DTNA: variants seen among roughly 807,000 people sequenced by gnomAD.
DTNA encodes the protein dystrobrevin alpha, also known as dystrophin-related protein 3.
In DTNA, 43 loss-of-function variants were observed where a neutral mutation model predicts 100.7. The ratio of observed to expected loss-of-function variants is 0.43; its 90% CI spans 0.33 to 0.55. The LOEUF is 0.55. DTNA is among the 20% of genes least tolerant of loss of function. The pLI, the probability that DTNA is intolerant of heterozygous loss-of-function variation, is 0.04. For missense variants in DTNA, 798 were observed against 953.9 expected (o/e 0.84, Z 2.15); for synonymous variants, 349 against 347.9 (o/e 1.00, Z -0.04).
At chr18:34,682,850 TA>T (rs2078322780) in intron 1 of DTNA, among the ~76,000 whole-genome samples, 2 of 152,242 alleles carry the variant, frequency 1.3e-5, no homozygotes, top group South Asian at 4.1e-4. Context: ...GAAAAAAAAT[TA>T]AACTTAATAT....
intron 1 of DTNA, among the ~76,000 whole-genome samples, chr18:34,713,395 G>A (rs572265062): frequency 6.6e-6 from 1 of 152,184 alleles, no homozygotes; most frequent in Non-Finnish European, 1.5e-5. Flanking sequence ...AAATATCTTG[G>A]TTTTGTTCAA....
intron 1 of DTNA, among the ~76,000 whole-genome samples, chr18:34,517,460 C>CGTGTGTGTGTGTGTGTGTGT (rs1199695756): frequency 4.3e-4 from 64 of 149,000 alleles, no homozygotes; most frequent in African/African-American, 1.5e-3. Flanking sequence ...TTTATATACA[C>CGTGTGTGTGTGTGTGTGTGT]GTGTGTGTGT....
At chr18:34,745,370 C>CT (rs765094822) in intron 1 of DTNA, among the ~76,000 whole-genome samples, 9 of 152,260 alleles carry the variant, frequency 5.9e-5, no homozygotes, top group Non-Finnish European at 1.0e-4. Flanking sequence ...TAGCCCATGG[C>CT]CATTAGCAGC....
chr18:34,714,949 T>C (rs1270802952), intron 1 of DTNA, among the ~76,000 whole-genome samples: 1 of 150,700 alleles, frequency 6.6e-6, no homozygotes, highest in Non-Finnish European at 1.5e-5. Flanking sequence ...CAGTAAACTA[T>C]CGCAAGAACA....
At chr18:34,601,437 A>C (rs1465475403) in intron 1 of DTNA, among the ~76,000 whole-genome samples, 1 of 152,102 alleles carries the variant, frequency 6.6e-6, no homozygotes, top group Non-Finnish European at 1.5e-5. Flanking sequence ...GCTAGTCCTC[A>C]ACTCCTTCCA....
At chr18:34,744,919 T>C (rs1216779101) in intron 1 of DTNA, among the ~76,000 whole-genome samples, 1 of 151,798 alleles carries the variant, frequency 6.6e-6, no homozygotes, top group Non-Finnish European at 1.5e-5. Context: ...GGATTTGTAG[T>C]CAGACATGTC....
intron 1 of DTNA, among the ~76,000 whole-genome samples, chr18:34,739,860 G>T (rs2090304354): frequency 6.6e-6 from 1 of 152,120 alleles, no homozygotes; most frequent in Admixed American, 6.5e-5. Flanking sequence ...ATTACTAGAG[G>T]AGAAGTAATG....
At chr18:34,573,501 C>T (rs139016559) in intron 1 of DTNA, among the ~76,000 whole-genome samples, 37 of 152,274 alleles carry the variant, frequency 2.4e-4, no homozygotes, top group African/African-American at 7.5e-4. Flanking sequence ...TTGTCATACT[C>T]TATATGCTAT....
chr18:34,499,189 C>T (rs2039622437), intron 1 of DTNA, among the ~76,000 whole-genome samples: 1 of 152,144 alleles, frequency 6.6e-6, no homozygotes, highest in South Asian at 2.1e-4. Context: ...TTCTCTATTT[C>T]TATAATTTTG....
intron 3 of DTNA, among the ~76,000 whole-genome samples, chr18:34,773,395 A>G (rs541281172): frequency 6.6e-6 from 1 of 152,232 alleles, no homozygotes; most frequent in Non-Finnish European, 1.5e-5. Context: ...AGAGAAATCG[A>G]ACCAGAGAAA....
At chr18:34,561,943 A>G (rs1365182784) in intron 1 of DTNA, among the ~76,000 whole-genome samples, 1 of 152,178 alleles carries the variant, frequency 6.6e-6, no homozygotes, top group Non-Finnish European at 1.5e-5. Context: ...CAATTATTAG[A>G]GAATACATTT....
intron 1 of DTNA, among the ~76,000 whole-genome samples, chr18:34,619,338 C>G (rs547389543): frequency 6.6e-6 from 1 of 152,186 alleles, no homozygotes; most frequent in South Asian, 2.1e-4. Flanking sequence ...TAACCAATCT[C>G]AGTGTTAGAA....
chr18:34,836,828 T>TAATA, intron 11 of DTNA, among the ~76,000 whole-genome samples: 1 of 152,222 alleles, frequency 6.6e-6, no homozygotes, highest in African/African-American at 2.4e-5. Context: ...TAATATTAAA[T>TAATA]TTATCAGATA....
At chr18:34,787,542 T>G (rs903531164) in intron 3 of DTNA, among the ~76,000 whole-genome samples, 1 of 152,218 alleles carries the variant, frequency 6.6e-6, no homozygotes, top group Non-Finnish European at 1.5e-5. Flanking sequence ...TTCTACTATT[T>G]CTAATAAAGT....
intron 1 of DTNA, among the ~76,000 whole-genome samples, chr18:34,511,348 CTAG>C (rs2041071803): frequency 6.6e-6 from 1 of 152,010 alleles, no homozygotes; most frequent in Non-Finnish European, 1.5e-5. Context: ...ACCCTTTGTG[CTAG>C]TATTATTAGC....
chr18:34,787,377 G>C (rs1235318944), intron 3 of DTNA, among the ~76,000 whole-genome samples: 1 of 152,156 alleles, frequency 6.6e-6, no homozygotes, highest in Non-Finnish European at 1.5e-5. Context: ...ATCATCAAAT[G>C]CTTTAGAAAA....
chr18:34,501,779 A>G (rs2039953304), intron 1 of DTNA, among the ~76,000 whole-genome samples: 1 of 152,086 alleles, frequency 6.6e-6, no homozygotes, highest in Admixed American at 6.6e-5. Flanking sequence ...GTTTCTTCTG[A>G]GGCCTCTCTC....
At chr18:34,766,702 A>G (rs2093494095) in intron 3 of DTNA, among the ~76,000 whole-genome samples, 1 of 152,212 alleles carries the variant, frequency 6.6e-6, no homozygotes, top group African/African-American at 2.4e-5. Context: ...AATGGTTTCC[A>G]AGAACTTTAT....
rs2096959427 is a variant in DTNA at position 34,890,433 on chromosome 18, T to C, written c.*2699T>C. 5 of 1,536,142 alleles carry C rather than the reference T, an allele frequency of 3.3e-6. No homozygotes were observed. Among genetic ancestry groups the C allele is most frequent in the African/African-American group, 1.4e-5 (1 of 73,178 alleles). ...GCTCTCCAGATTTACTTTTGGGGCC[T>C]GTTCTAAGTGCAAACCCAGCAAGTT... On this transcript the variant is annotated 3_prime_UTR_variant, in exon 23 of 23. Coordinates refer to ENST00000444659, the MANE Select transcript of DTNA (RefSeq NM_001386795.1).
Sources: gnomAD v4.1 joint callset for allele counts (sites outside exome capture counted in the v4.1 genomes callset) on GRCh38, gnomAD v4.1.1 for gene constraint, MANE v1.5 for transcripts, NCBI Gene and HGNC (gene_info 2026-07-23, HGNC 2026-07-21) for gene names.